KIF5C: variants seen among roughly 807,000 people sequenced by gnomAD.
The protein encoded by KIF5C is kinesin heavy chain isoform 5C.
A neutral mutation model predicts 125.2 loss-of-function variants in KIF5C; 18 were observed. The ratio of observed to expected loss-of-function variants is 0.14; its 90% CI spans 0.10 to 0.21. KIF5C has a LOEUF of 0.21. KIF5C is among the 10% of genes least tolerant of loss of function. The pLI is 1.00. For synonymous variants in KIF5C, 405 were observed against 434.0 expected, an observed-to-expected ratio of 0.93 and a Z score of 0.83; for missense variants, 780 against 1,183.8, an observed-to-expected ratio of 0.66 and a Z score of 5.01.
intron 15 of KIF5C, among the ~76,000 whole-genome samples, chr2:148,988,588 T>C (rs1433075516): frequency 6.6e-6 from 1 of 152,152 alleles, no homozygotes; most frequent in Non-Finnish European, 1.5e-5. Flanking sequence ...GAATTCCATG[T>C]GGAAGAGATG....
Position 149,024,554 on chromosome 2 carries a change from GTGTGTGTA to G in KIF5C, c.*1493_*1500del, listed in dbSNP as rs1277070687. Reference sequence around the variant, plus strand: ...TGTGTGTGTGTGTGTGTGTGTGTGTGTGTGTGTATGTGTGTAAAGTGCTAAGAACTGTG... The same window carrying G: ...TGTGTGTGTGTGTGTGTGTGTGTGTGTGTGTGTAAAGTGCTAAGAACTGTG... On this transcript the variant is annotated 3_prime_UTR_variant, in exon 26 of 26. Transcript: ENST00000435030. 2.2e-3 allele frequency: 315 copies of G among 143,500 alleles called. 1 individual carries two copies. Among genetic ancestry groups the G allele is most frequent in the African/African-American group, 8.0e-3 (287 of 35,654 alleles). 8.9% of individuals were successfully genotyped at this position (143,500 alleles called of 1,614,324 possible).
chr2:149,002,444 G>T (rs573839651), intron 21 of KIF5C, among the ~76,000 whole-genome samples: 1 of 152,082 alleles, frequency 6.6e-6, no homozygotes. Flanking sequence ...CTGCGCAGCC[G>T]CACTCACTCC....
chr2:148,933,780 T>A (rs1227857175), intron 3 of KIF5C, among the ~76,000 whole-genome samples: 1 of 144,242 alleles, frequency 6.9e-6, no homozygotes, highest in Non-Finnish European at 1.5e-5. Flanking sequence ...ACACACCATA[T>A]ACCACATACC....
In KIF5C at chr2:148,875,592, G is replaced by GGCCCCCCCCCCACCCCC; in HGVS notation, c.-26_-25insGCCCCCCCCCCACCCCC. On this transcript the variant is annotated 5_prime_UTR_variant, in exon 1 of 26. Coordinates refer to ENST00000435030, the MANE Select transcript of KIF5C (RefSeq NM_004522.3). ...CGGCCCCGGCCCCCCACCCATCCCCGTGCCCCCTCCCTACCGCCGGCCGAG... is the reference window on the plus strand; with the variant it reads ...CGGCCCCGGCCCCCCACCCATCCCCGGCCCCCCCCCCACCCCCTGCCCCCTCCCTACCGCCGGCCGAG... 1 of 236,064 alleles carries GGCCCCCCCCCCACCCCC rather than the reference G, an allele frequency of 4.2e-6. No individual in the cohort carries two copies. Among genetic ancestry groups the GGCCCCCCCCCCACCCCC allele is most frequent in the African/African-American group, 5.8e-5 (1 of 17,278 alleles). The allele number at this position is 236,064 out of a possible 1,614,324, so 14.6% of individuals were successfully genotyped here.
chr2:148,997,580 C>T, intron 18 of KIF5C: 2 of 596,836 alleles, frequency 3.4e-6, no homozygotes, highest in Non-Finnish European at 5.4e-6. Flanking sequence ...TTTGTCTTCA[C>T]CATTCCTGAT....
At chr2:148,950,611 C>T in intron 10 of KIF5C, 149 bp downstream of exon 10, 3 of 1,158,974 alleles carry the variant, frequency 2.6e-6, no homozygotes, top group Non-Finnish European at 3.4e-6. Context: ...GAGTTTGAGA[C>T]CAGCCTGGCC....
chr2:148,975,798 G>A (rs550820937), intron 12 of KIF5C, among the ~76,000 whole-genome samples: 70 of 152,314 alleles, frequency 4.6e-4, no homozygotes, highest in African/African-American at 1.5e-3. Flanking sequence ...CTGGGCTGGC[G>A]CCTGGCCCTG....
At chr2:148,994,324 G>A in intron 16 of KIF5C, 97 bp from the exon 17 acceptor site, 1 of 1,475,968 alleles carries the variant, frequency 6.8e-7, no homozygotes, top group Non-Finnish European at 9.0e-7. Context: ...AGGGACTCAG[G>A]AACCCCTCCT....
intron 10 of KIF5C, among the ~76,000 whole-genome samples, chr2:148,959,771 C>G (rs1207653772): frequency 6.6e-6 from 1 of 152,106 alleles, no homozygotes; most frequent in African/African-American, 2.4e-5. Flanking sequence ...ATGTTACACC[C>G]GTGGGGAAGG....
chr2:149,011,442 T>C (rs1574837022), intron 24 of KIF5C, 128 bp from the exon 25 acceptor site: 2 of 1,293,504 alleles, frequency 1.5e-6, no homozygotes, highest in East Asian at 2.6e-5. Context: ...GATCTGGTGG[T>C]TGATAAGAAT....
At chr2:148,885,597 G>C (rs1681495607) in intron 1 of KIF5C, 1 of 152,188 alleles carries the variant, frequency 6.6e-6, no homozygotes. Flanking sequence ...CGTCCACAGA[G>C]CTGAAAAGAA....
chr2:148,889,370 A>C (rs908473256), intron 1 of KIF5C, among the ~76,000 whole-genome samples: 1 of 152,160 alleles, frequency 6.6e-6, no homozygotes, highest in Non-Finnish European at 1.5e-5. Context: ...TTAACTTGGA[A>C]TATTGTTGCC....
At chr2:148,888,069 G>A (rs1681597580) in intron 1 of KIF5C, among the ~76,000 whole-genome samples, 1 of 152,240 alleles carries the variant, frequency 6.6e-6, no homozygotes, top group Non-Finnish European at 1.5e-5. Flanking sequence ...TTCGTAGTGG[G>A]TGACATTGAG....
chr2:148,977,200 T>C (rs1369735034), intron 12 of KIF5C, among the ~76,000 whole-genome samples: 1 of 152,250 alleles, frequency 6.6e-6, no homozygotes, highest in Non-Finnish European at 1.5e-5. Flanking sequence ...TTCTTCATCC[T>C]TCCCAGGTGG....
intron 13 of KIF5C, among the ~76,000 whole-genome samples, chr2:148,980,728 C>T (rs999904773): frequency 3.0e-4 from 44 of 147,822 alleles, no homozygotes; most frequent in Admixed American, 2.4e-3. Flanking sequence ...ATTATTTAGA[C>T]GAAGTCTTGC....
intron 17 of KIF5C, among the ~76,000 whole-genome samples, chr2:148,995,956 A>G (rs1681658786): frequency 6.6e-6 from 1 of 152,214 alleles, no homozygotes; most frequent in African/African-American, 2.4e-5. Flanking sequence ...GGAGTTCGAG[A>G]CCAGCCTGGC....
intron 1 of KIF5C, among the ~76,000 whole-genome samples, chr2:148,920,815 C>A (rs769619688): frequency 1.3e-5 from 2 of 152,192 alleles, no homozygotes; most frequent in East Asian, 1.9e-4. Flanking sequence ...ATTATCTTTT[C>A]GAGGAGTCCC....
intron 10 of KIF5C, among the ~76,000 whole-genome samples, chr2:148,953,701 A>T (rs2063448732): frequency 6.6e-6 from 1 of 152,184 alleles, no homozygotes; most frequent in African/African-American, 2.4e-5. Flanking sequence ...TGAAGAGAGT[A>T]CACGTTTGTT....
intron 7 of KIF5C, among the ~76,000 whole-genome samples, chr2:148,945,668 A>G (rs1682504877): frequency 6.6e-6 from 1 of 152,152 alleles, no homozygotes; most frequent in Admixed American, 6.6e-5. Flanking sequence ...AACTGTATGC[A>G]CTGCACCCTA....
Sources: gnomAD v4.1 joint callset for allele counts (sites outside exome capture counted in the v4.1 genomes callset) on GRCh38, gnomAD v4.1.1 for gene constraint, MANE v1.5 for transcripts, NCBI Gene and HGNC (gene_info 2026-07-23, HGNC 2026-07-21) for gene names.